ITPR2: variants seen among roughly 807,000 people sequenced by gnomAD.
ITPR2 encodes inositol 1,4,5-trisphosphate-gated calcium channel ITPR2.
A neutral mutation model predicts 317.1 loss-of-function variants in ITPR2; 207 were observed. That is an observed-to-expected ratio of 0.65 (90% confidence interval 0.58 to 0.73). The LOEUF is 0.73. Among genes scored for constraint, ITPR2 ranks in the 30% least tolerant of loss-of-function variants. The pLI is 0.00. For missense variants in ITPR2, 2,613 were observed against 3,284.0 expected, an observed-to-expected ratio of 0.80 and a Z score of 4.99; for synonymous variants, 1,156 against 1,149.1, an observed-to-expected ratio of 1.01 and a Z score of -0.12.
intron 43 of ITPR2, among the ~76,000 whole-genome samples, chr12:26,480,388 A>G (rs549891106): frequency 6.6e-6 from 1 of 152,330 alleles, no homozygotes; most frequent in Non-Finnish European, 1.5e-5. Flanking sequence ...TTTTAATGTA[A>G]AAGAGAACAA....
Position 26,487,156 on chromosome 12 carries a change from T to A in ITPR2, c.5466A>T (p.Arg1822Ser), listed in dbSNP as rs753908297. 6.8e-6 allele frequency: 11 copies of A among 1,613,400 alleles called. No individual in the cohort carries two copies. Among genetic ancestry groups the A allele is most frequent in the Non-Finnish European group, 8.5e-6 (10 of 1,179,644 alleles). Residue 1822 changes from arginine (R) to serine (S), a missense_variant, in exon 40 of 57, where the codon AGA (arginine) becomes AGT (serine). This residue lies in a region of ITPR2 where 926 missense variants were observed against 1,072.8 expected (regional missense o/e 0.86). Transcript: ENST00000381340. ...CTATGGTATTAACTGTCACTGTTGA[T>A]CTTATTTCTTTCTGAGCAGCCTTCA... ...DRMKAAQKEI[R>S]STVTVNTIDL...
rs533574688 is a variant in ITPR2, at chr12:26,691,942, T to C, written c.996+3664A>G. ...TGCCATTTACAGCTGCAAATACTTC[T>C]CTTGCCGAGGTTCCTTAACAAACTG... is the stretch of plus-strand genomic sequence containing the variant. On this transcript the variant is annotated intron_variant, in intron 10 of 56. Transcript: ENST00000381340. 1.1e-4 allele frequency among the ~76,000 whole-genome samples: 16 copies of C among 152,192 alleles called. No homozygotes were observed. The South Asian group carries it at 1.9e-3, about 18-fold the overall frequency.
In ITPR2 at chr12:26,607,419, T is replaced by C. The variant is rs147588370; in HGVS notation, c.3463-4713A>G. On this transcript the variant is annotated intron_variant, in intron 26 of 56. Coordinates refer to ENST00000381340, the MANE Select transcript of ITPR2 (RefSeq NM_002223.4). ...ATAAATATTGCCTCTTTCAGATAAC[T>C]GAATAACCCTCTGTGGGATAAGGAG... Among the ~76,000 whole-genome samples the C allele has an allele frequency of 6.6e-3, 999 of 152,294 alleles. 10 individuals carry two copies. The highest frequency in any genetic ancestry group is 0.023 in the African/African-American group (950 of 41,528).
At chr12:26,616,929 G>A (rs1946386189) in intron 26 of ITPR2, among the ~76,000 whole-genome samples, 1 of 152,008 alleles carries the variant, frequency 6.6e-6, no homozygotes, top group Non-Finnish European at 1.5e-5. Flanking sequence ...TTTTCCTTAC[G>A]ATTTTCTTAA....
intron 43 of ITPR2, among the ~76,000 whole-genome samples, chr12:26,479,122 C>A (rs1942486284): frequency 7.0e-6 from 1 of 142,432 alleles, no homozygotes; most frequent in African/African-American, 2.6e-5. Context: ...GTTTAGAAAA[C>A]TACACACACC....
At chr12:26,605,124 A>AT (rs1268947338) in intron 26 of ITPR2, among the ~76,000 whole-genome samples, 2 of 83,880 alleles carry the variant, frequency 2.4e-5, no homozygotes, top group African/African-American at 8.9e-5. Flanking sequence ...ATAAAAAATA[A>AT]AAATATATAT....
intron 2 of ITPR2, among the ~76,000 whole-genome samples, chr12:26,774,580 C>G (rs1413206497): frequency 6.6e-6 from 1 of 152,204 alleles, no homozygotes; most frequent in Admixed American, 6.5e-5. Flanking sequence ...ATCTTGGTGA[C>G]TGAGCAGAGC....
chr12:26,409,657 G>A (rs1167536227), intron 52 of ITPR2, among the ~76,000 whole-genome samples: 2 of 152,060 alleles, frequency 1.3e-5, no homozygotes, highest in East Asian at 3.9e-4. Context: ...ACTAGAGCAA[G>A]TCATATTTTC....
intron 55 of ITPR2, among the ~76,000 whole-genome samples, chr12:26,350,948 G>C (rs1428330674): frequency 6.6e-6 from 1 of 152,200 alleles, no homozygotes; most frequent in Non-Finnish European, 1.5e-5. Flanking sequence ...ACAGGGCACC[G>C]AGGGATAGAG....
chr12:26,411,550 G>C (rs1015370525), intron 51 of ITPR2, 138 bp from the exon 52 acceptor site: 2 of 620,960 alleles, frequency 3.2e-6, no homozygotes, highest in South Asian at 2.1e-5. Flanking sequence ...TAGGAAGTTA[G>C]TATGGAATTC....
At chr12:26,485,620 A>G (rs1942647804) in intron 41 of ITPR2, among the ~76,000 whole-genome samples, 1 of 152,274 alleles carries the variant, frequency 6.6e-6, no homozygotes, top group Non-Finnish European at 1.5e-5. Flanking sequence ...TTTTGAATGT[A>G]TCCACCTTCA....
intron 35 of ITPR2, among the ~76,000 whole-genome samples, chr12:26,560,105 T>C (rs1361767174): frequency 6.6e-6 from 1 of 152,198 alleles, no homozygotes; most frequent in East Asian, 1.9e-4. Flanking sequence ...TGGATATCAA[T>C]CTATTAAAAG....
At chr12:26,763,508 G>A (rs538238743) in intron 2 of ITPR2, among the ~76,000 whole-genome samples, 1 of 152,194 alleles carries the variant, frequency 6.6e-6, no homozygotes, top group East Asian at 1.9e-4. Flanking sequence ...TAAAGGGGAT[G>A]GTTAACACAA....
intron 9 of ITPR2, among the ~76,000 whole-genome samples, chr12:26,696,380 T>TG (rs1403316047): frequency 1.3e-5 from 2 of 152,116 alleles, no homozygotes; most frequent in Non-Finnish European, 2.9e-5. Context: ...GTTGTCCAAT[T>TG]GAATTTAATC....
At chr12:26,397,386 C>A (rs760989709) in intron 54 of ITPR2, among the ~76,000 whole-genome samples, 8 of 152,018 alleles carry the variant, frequency 5.3e-5, no homozygotes, top group East Asian at 1.9e-4. Flanking sequence ...TCTTTTACCA[C>A]CAGCTCAGTC....
chr12:26,369,830 C>A (rs377728155), intron 55 of ITPR2, among the ~76,000 whole-genome samples: 5 of 152,274 alleles, frequency 3.3e-5, no homozygotes, highest in African/African-American at 1.2e-4. Flanking sequence ...CAGCCCGGCT[C>A]TGGAGAGTAC....
At chr12:26,600,162 G>A in intron 28 of ITPR2, 53 bp from the exon 29 acceptor site, 3 of 1,511,168 alleles carry the variant, frequency 2.0e-6, no homozygotes, top group South Asian at 1.2e-5. Context: ...GACAGCAAAT[G>A]TTATGCAAAA....
intron 37 of ITPR2, among the ~76,000 whole-genome samples, chr12:26,504,987 C>A (rs986002883): frequency 2.6e-5 from 4 of 152,076 alleles, no homozygotes; most frequent in Non-Finnish European, 5.9e-5. Context: ...AGAAGATATG[C>A]AGTATGGTAT....
intron 15 of ITPR2, among the ~76,000 whole-genome samples, chr12:26,659,771 T>C (rs964448145): frequency 6.6e-6 from 1 of 152,212 alleles, no homozygotes; most frequent in Non-Finnish European, 1.5e-5. Flanking sequence ...GAAAAGAAAA[T>C]GACTGCCTGA....
Sources: allele counts gnomAD v4.1 joint callset (sites outside exome capture counted in the v4.1 genomes callset), GRCh38; gene constraint gnomAD v4.1.1; regional missense constraint gnomAD v4.1.1; transcripts MANE v1.5; gene names NCBI Gene and HGNC (gene_info 2026-07-23, HGNC 2026-07-21).